The following KCNK9 variants were observed in gnomAD, a reference collection of about 807,000 sequenced individuals.
KCNK9 encodes potassium two pore domain channel subfamily K member 9, also known as potassium channel subfamily K member 9.
A neutral mutation model predicts 10.8 loss-of-function variants in KCNK9; 1 was observed. The observed-to-expected ratio is 0.09, with a 90% CI of 0.03 to 0.44. The LOEUF (loss-of-function observed/expected upper bound fraction) is 0.44, where lower values mean the gene tolerates loss of function less well. Ranked by LOEUF, KCNK9 falls within the 20% of genes least tolerant of loss-of-function variation. KCNK9 has a pLI of 0.97. For missense variants in KCNK9, 303 were observed against 515.0 expected (o/e 0.59, Z 3.98); for synonymous variants, 231 against 222.7 (o/e 1.04, Z -0.33).
chr8:139,668,422 CTT>C (rs35809199), intron 1 of KCNK9, among the ~76,000 whole-genome samples: 69 of 140,656 alleles, frequency 4.9e-4, no homozygotes, highest in African/African-American at 8.2e-4. Context: ...GTAAACAATA[CTT>C]TTTTTTTTTT....
chr8:139,636,744 A>G (rs1815351614), intron 1 of KCNK9, among the ~76,000 whole-genome samples: 1 of 152,232 alleles, frequency 6.6e-6, no homozygotes, highest in Non-Finnish European at 1.5e-5. Flanking sequence ...ACGTAAGAAA[A>G]ATGACTAAAT....
At chr8:139,652,499 T>A in intron 1 of KCNK9, among the ~76,000 whole-genome samples, 1 of 152,138 alleles carries the variant, frequency 6.6e-6, no homozygotes, top group East Asian at 1.9e-4. Context: ...CTTCCCTCTC[T>A]GCCTTGCACC....
chr8:139,682,280 G>A (rs1334796901), intron 1 of KCNK9, among the ~76,000 whole-genome samples: 4 of 152,294 alleles, frequency 2.6e-5, no homozygotes, highest in Non-Finnish European at 5.9e-5. Flanking sequence ...AAACATTCTC[G>A]GAGGGCCTGC....
intron 1 of KCNK9, among the ~76,000 whole-genome samples, chr8:139,620,421 A>C (rs1814741513): frequency 6.6e-6 from 1 of 152,122 alleles, no homozygotes; most frequent in Non-Finnish European, 1.5e-5. Flanking sequence ...AATTGTTCTT[A>C]GGTGGCGTTG....
intron 1 of KCNK9, among the ~76,000 whole-genome samples, chr8:139,694,394 G>A (rs902117208): frequency 2.0e-5 from 3 of 152,202 alleles, no homozygotes; most frequent in Non-Finnish European, 4.4e-5. Context: ...CTAAGTCTCC[G>A]TTTCATAGAT....
chr8:139,670,400 C>G (rs1816399490), intron 1 of KCNK9, among the ~76,000 whole-genome samples: 1 of 152,032 alleles, frequency 6.6e-6, no homozygotes, highest in South Asian at 2.1e-4. Context: ...CGGGGTGCCA[C>G]AAACCCTCAA....
intron 1 of KCNK9, among the ~76,000 whole-genome samples, chr8:139,660,373 G>A (rs571119254): frequency 6.6e-6 from 1 of 151,944 alleles, no homozygotes; most frequent in Non-Finnish European, 1.5e-5. Context: ...GGGAGGCTGA[G>A]GCGGGCAGAT....
downstream of KCNK9, chr8:139,616,823 C>T (rs537298971): frequency 6.6e-6 from 1 of 152,220 alleles, no homozygotes; most frequent in Non-Finnish European, 1.5e-5. Context: ...AATTAAAGTC[C>T]CCTCAGTGAA....
At chr8:139,640,634 C>T (rs1366425569) in intron 1 of KCNK9, among the ~76,000 whole-genome samples, 1 of 152,226 alleles carries the variant, frequency 6.6e-6, no homozygotes, top group Non-Finnish European at 1.5e-5. Context: ...ATAACCACAA[C>T]CCCTCTTGCC....
intron 1 of KCNK9, among the ~76,000 whole-genome samples, chr8:139,678,785 C>T (rs1314386018): frequency 6.6e-6 from 1 of 152,212 alleles, no homozygotes; most frequent in African/African-American, 2.4e-5. Context: ...CACGTGGGCT[C>T]CCATTCTCAG....
intron 1 of KCNK9, among the ~76,000 whole-genome samples, chr8:139,630,003 A>G (rs1265906690): frequency 6.6e-6 from 1 of 151,112 alleles, no homozygotes; most frequent in African/African-American, 2.4e-5. Context: ...CACGAACACC[A>G]GAACAGGGAC....
Position 139,691,686 on chromosome 8 carries a change from T to A in KCNK9, c.283+11024A>T, listed in dbSNP as rs182867251. Among the ~76,000 whole-genome samples, 543 of 152,356 alleles carry A rather than the reference T, an allele frequency of 3.6e-3. 2 individuals are homozygous for A. Among genetic ancestry groups the A allele is most frequent in the Non-Finnish European group, 4.4e-3 (302 of 68,044 alleles). ...AGTGTCCATTCATTCAGTGGATATA[T>A]AGCCATTAAAATCATTTCCCTTCAG... is the stretch of plus-strand genomic sequence containing the variant. On this transcript the variant is annotated intron_variant, in intron 1 of 1. Coordinates refer to ENST00000520439, the MANE Select transcript of KCNK9 (RefSeq NM_001282534.2).
At chr8:139,674,240 G>C (rs1460373508) in intron 1 of KCNK9, among the ~76,000 whole-genome samples, 1 of 152,180 alleles carries the variant, frequency 6.6e-6, no homozygotes, top group Non-Finnish European at 1.5e-5. Context: ...CCTCATAGAA[G>C]AGGAAGGCGA....
Position 139,700,520 on chromosome 8 carries a change from GCACA to G in KCNK9, c.283+2186_283+2189del, listed in dbSNP as rs765602878. ...CACACACACACACACGCGCGCGCGC[GCACA>G]CACACACACACACACGCGCGCACAC... On this transcript the variant is annotated intron_variant, in intron 1 of 1. Transcript: ENST00000520439. Among the ~76,000 whole-genome samples the G allele has an allele frequency of 1.2e-3, 166 of 141,404 alleles. 1 individual carries two copies. Among genetic ancestry groups the G allele is most frequent in the African/African-American group, 3.7e-3 (137 of 37,324 alleles). 92.8% of individuals were successfully genotyped at this position (141,404 alleles called of 152,430 possible). A position where few individuals can be genotyped will look rare whatever the true frequency, so the allele number is the denominator to read the frequency against.
intron 2 of KCNK9, among the ~76,000 whole-genome samples, chr8:139,606,109 C>T (rs1473859413): frequency 6.6e-6 from 1 of 152,166 alleles, no homozygotes; most frequent in Non-Finnish European, 1.5e-5. Context: ...GGCCTGACAC[C>T]TTGACCACAA....
intron 1 of KCNK9, among the ~76,000 whole-genome samples, chr8:139,660,549 A>C (rs1816128167): frequency 6.6e-6 from 1 of 151,760 alleles, no homozygotes; most frequent in Non-Finnish European, 1.5e-5. Context: ...TGAATCCAGG[A>C]GGCAGAGGTT....
chr8:139,637,934 G>A (rs899839862), intron 1 of KCNK9, among the ~76,000 whole-genome samples: 2 of 151,944 alleles, frequency 1.3e-5, no homozygotes, highest in East Asian at 3.9e-4. Context: ...TCCCAGCCTT[G>A]GCCAGACAGA....
chr8:139,660,601 A>G (rs1816129264), intron 1 of KCNK9, among the ~76,000 whole-genome samples: 2 of 152,156 alleles, frequency 1.3e-5, no homozygotes, highest in Admixed American at 1.3e-4. Context: ...AGCCTGGGCG[A>G]CAGAGGGACA....
chr8:139,651,332 G>A (rs1219818676), intron 1 of KCNK9, among the ~76,000 whole-genome samples: 4 of 152,162 alleles, frequency 2.6e-5, no homozygotes, highest in African/African-American at 7.2e-5. Context: ...TCTTGGTACC[G>A]GTGGAGGCTG....
Sources: allele counts gnomAD v4.1 joint callset (sites outside exome capture counted in the v4.1 genomes callset), GRCh38; gene constraint gnomAD v4.1.1; transcripts MANE v1.5; gene names NCBI Gene and HGNC (gene_info 2026-07-23, HGNC 2026-07-21).